CNTNAP2: variants seen among roughly 807,000 people sequenced by gnomAD.
CNTNAP2 encodes contactin associated protein 2.
Under a neutral mutation model 155.2 loss-of-function variants are expected in CNTNAP2, and 98 were observed. The ratio of observed to expected loss-of-function variants is 0.63; its 90% CI spans 0.54 to 0.75. The LOEUF is 0.75. Among genes scored for constraint, CNTNAP2 ranks in the 30% least tolerant of loss-of-function variants. CNTNAP2 has a pLI of 0.00. For missense variants in CNTNAP2, 1,727 were observed against 1,688.1 expected, an observed-to-expected ratio of 1.02 and a Z score of -0.40; for synonymous variants, 651 against 631.2, an observed-to-expected ratio of 1.03 and a Z score of -0.47.
intron 12 of CNTNAP2, among the ~76,000 whole-genome samples, chr7:147,620,691 C>T (rs1801376750): frequency 6.6e-6 from 1 of 151,664 alleles, no homozygotes; most frequent in African/African-American, 2.4e-5. Context: ...AATGCACAGT[C>T]AGTGAAAACA....
intron 18 of CNTNAP2, among the ~76,000 whole-genome samples, chr7:148,186,137 A>C (rs960074613): frequency 6.6e-6 from 1 of 152,244 alleles, no homozygotes; most frequent in Non-Finnish European, 1.5e-5. Context: ...AAAGTTCAGG[A>C]GGCCCCTTTT....
intron 10 of CNTNAP2, among the ~76,000 whole-genome samples, chr7:147,459,979 C>T (rs1345342918): frequency 6.6e-6 from 1 of 151,948 alleles, no homozygotes; most frequent in Non-Finnish European, 1.5e-5. Flanking sequence ...ACATCACACA[C>T]CAGGGCCTGT....
At chr7:147,592,912 C>T (rs1800766222) in intron 12 of CNTNAP2, among the ~76,000 whole-genome samples, 2 of 152,178 alleles carry the variant, frequency 1.3e-5, no homozygotes, top group African/African-American at 4.8e-5. Flanking sequence ...TCATACCCTG[C>T]TGCTATGAAG....
At chr7:147,076,409 T>C (rs947243096) in intron 4 of CNTNAP2, among the ~76,000 whole-genome samples, 16 of 152,198 alleles carry the variant, frequency 1.1e-4, no homozygotes, top group African/African-American at 3.9e-4. Flanking sequence ...TTCATGTGTC[T>C]GTTGGCTGCA....
chr7:146,186,357 A>T (rs1798623751), intron 1 of CNTNAP2, among the ~76,000 whole-genome samples: 1 of 152,170 alleles, frequency 6.6e-6, no homozygotes, highest in Non-Finnish European at 1.5e-5. Context: ...TTCATGCTGT[A>T]CATATCTTTC....
At chr7:148,409,834 A>G (rs1185860920) in intron 23 of CNTNAP2, among the ~76,000 whole-genome samples, 63 of 51,714 alleles carry the variant, frequency 1.2e-3, no homozygotes, top group Non-Finnish European at 1.8e-3. Flanking sequence ...GGCGGATCAC[A>G]AGGTCAGGAG....
intron 1 of CNTNAP2, among the ~76,000 whole-genome samples, chr7:146,613,553 A>G (rs1316424990): frequency 2.6e-5 from 4 of 152,132 alleles, no homozygotes; most frequent in African/African-American, 9.7e-5. Flanking sequence ...CAGTGTGTCG[A>G]AAGAGTAAAA....
intron 1 of CNTNAP2, among the ~76,000 whole-genome samples, chr7:146,495,229 C>G (rs1344688280): frequency 6.6e-6 from 1 of 152,154 alleles, no homozygotes. Context: ...AGGGAGAGAA[C>G]AGATTTCCCA....
chr7:148,263,062 T>C (rs1288953641), intron 20 of CNTNAP2: 1 of 152,148 alleles, frequency 6.6e-6, no homozygotes, highest in East Asian at 1.9e-4. Flanking sequence ...GGCAGGAGTA[T>C]GCGAGAGAGA....
At chr7:147,822,955 T>C (rs1798385493) in intron 13 of CNTNAP2, among the ~76,000 whole-genome samples, 1 of 152,232 alleles carries the variant, frequency 6.6e-6, no homozygotes, top group African/African-American at 2.4e-5. Context: ...AATATCATTT[T>C]ATCAGAAGGA....
chr7:146,680,966 G>A (rs1224559909), intron 1 of CNTNAP2, among the ~76,000 whole-genome samples: 2 of 152,120 alleles, frequency 1.3e-5, no homozygotes, highest in African/African-American at 4.8e-5. Context: ...AAGCTGATGA[G>A]ATGAATACTA....
chr7:146,247,224 G>C (rs745722017), intron 1 of CNTNAP2, among the ~76,000 whole-genome samples: 3 of 152,154 alleles, frequency 2.0e-5, no homozygotes, highest in Non-Finnish European at 4.4e-5. Flanking sequence ...CACTGATTTG[G>C]GAGAGGTCTG....
chr7:147,962,211 T>C lies in CNTNAP2; in HGVS notation c.2256-15651T>C, dbSNP rs146086642. ...AATTAATAAGGAAGCAAATTCTATATGAAAATGATAACAAGTTTATGAGTA... is the reference window on the plus strand; with the variant it reads ...AATTAATAAGGAAGCAAATTCTATACGAAAATGATAACAAGTTTATGAGTA... On this transcript the variant is annotated intron_variant, in intron 14 of 23. Coordinates refer to ENST00000361727, the MANE Select transcript of CNTNAP2 (RefSeq NM_014141.6). Among the ~76,000 whole-genome samples, 79 of 152,364 alleles carry C rather than the reference T, an allele frequency of 5.2e-4. No homozygotes were observed. In the East Asian group the frequency reaches 0.014, roughly 26 times the overall value.
At chr7:146,203,291 C>T (rs190293117) in intron 1 of CNTNAP2, among the ~76,000 whole-genome samples, 1 of 152,338 alleles carries the variant, frequency 6.6e-6, no homozygotes, top group Non-Finnish European at 1.5e-5. Flanking sequence ...CAGAAGTCAA[C>T]AGAAAGGTCT....
At chr7:146,910,464 T>A (rs1796248383) in intron 3 of CNTNAP2, among the ~76,000 whole-genome samples, 2 of 148,684 alleles carry the variant, frequency 1.3e-5, no homozygotes, top group African/African-American at 5.1e-5. Context: ...GAGATATAGA[T>A]CAATGGAACA....
chr7:147,040,462 T>C (rs896615908), intron 3 of CNTNAP2, among the ~76,000 whole-genome samples: 1 of 139,396 alleles, frequency 7.2e-6, no homozygotes, highest in African/African-American at 2.7e-5. Flanking sequence ...TTTTTTTTTT[T>C]TTTTTTTTTT....
At chr7:147,426,619 G>T (rs1797382207) in intron 10 of CNTNAP2, among the ~76,000 whole-genome samples, 1 of 152,146 alleles carries the variant, frequency 6.6e-6, no homozygotes, top group South Asian at 2.1e-4. Flanking sequence ...CAGAAAATAT[G>T]TTAAAAAGTG....
In CNTNAP2 at chr7:148,383,768, G is replaced by T. The variant is rs727503878; in HGVS notation, c.3595G>T (p.Ala1199Ser). The change falls in exon 22 of 24, where the codon GCC (alanine) becomes TCC (serine). Residue 1199 changes from alanine to serine, a missense_variant. Physicochemically the swap from Ala to Ser is moderately conservative, Grantham distance 99. Coordinates refer to ENST00000361727, the MANE Select transcript of CNTNAP2 (RefSeq NM_014141.6). ...CAAGGCCGCCTTGAGGCAGACAAAC[G>T]CCTCGGCTCACGTCCACATCCAGGG... is the stretch of plus-strand genomic sequence containing the variant. The part of the protein sequence containing the change: ...PLKAALRQTN[A>S]SAHVHIQGEL... 110 of 1,614,112 alleles carry T rather than the reference G, an allele frequency of 6.8e-5. 1 individual carries two copies. The South Asian group carries it at 1.1e-3, about 16-fold the overall frequency.
chr7:147,707,300 G>A (rs149414602), intron 13 of CNTNAP2, among the ~76,000 whole-genome samples: 2,508 of 152,288 alleles, frequency 0.016, 223 homozygotes, highest in Admixed American at 0.15. Context: ...AGATGAATCT[G>A]TGGTTTAGGT....
Sources: gnomAD v4.1 joint callset for allele counts (sites outside exome capture counted in the v4.1 genomes callset) on GRCh38, gnomAD v4.1.1 for gene constraint, MANE v1.5 for transcripts, NCBI Gene and HGNC (gene_info 2026-07-23, HGNC 2026-07-21) for gene names.